The following SOX6 variants were observed in gnomAD, a reference collection of about 807,000 sequenced individuals.
SOX6 encodes transcription factor SOX-6.
SOX6 carries 11 observed loss-of-function variants against 97.8 expected under a neutral mutation model. The ratio of observed to expected loss-of-function variants is 0.11; its 90% confidence interval spans 0.07 to 0.19. The LOEUF is 0.19. SOX6 is among the 10% of genes least tolerant of loss of function. The probability of loss-of-function intolerance (pLI) is 1.00; values close to 1 mark genes in which losing one functional copy is unlikely to be tolerated. For missense variants in SOX6, 810 were observed against 1,039.5 expected (o/e 0.78, Z 3.04); for synonymous variants, 360 against 371.4 (o/e 0.97, Z 0.35).
chr11:16,341,497 T>G (rs1856633969), intron 1 of SOX6, among the ~76,000 whole-genome samples: 1 of 152,074 alleles, frequency 6.6e-6, no homozygotes, highest in African/African-American at 2.4e-5. Flanking sequence ...CATTAATGAT[T>G]TTTTTACAGA....
intron 4 of SOX6, among the ~76,000 whole-genome samples, chr11:16,494,388 T>A (rs1326276984): frequency 6.6e-6 from 1 of 151,766 alleles, no homozygotes; most frequent in African/African-American, 2.4e-5. Flanking sequence ...AATAAATAAA[T>A]AAAAATAAAA....
chr11:16,133,475 A>G (rs564033189), intron 6 of SOX6, among the ~76,000 whole-genome samples: 1 of 152,332 alleles, frequency 6.6e-6, no homozygotes, highest in East Asian at 1.9e-4. Context: ...AAGAGCACTG[A>G]TTAGAGAAGA....
At chr11:16,609,671 C>A (rs1022325573) in intron 4 of SOX6, among the ~76,000 whole-genome samples, 1 of 152,142 alleles carries the variant, frequency 6.6e-6, no homozygotes, top group Non-Finnish European at 1.5e-5. Flanking sequence ...CATATACTGC[C>A]TTTTTAAAAT....
At chr11:16,065,455 C>T (rs1186907564) in intron 9 of SOX6, among the ~76,000 whole-genome samples, 9 of 151,990 alleles carry the variant, frequency 5.9e-5, no homozygotes, top group African/African-American at 2.2e-4. Flanking sequence ...TCTAGAAATT[C>T]CATGCAATCC....
chr11:16,439,543 A>G (rs1174536416), intron 1 of SOX6, among the ~76,000 whole-genome samples: 1 of 152,218 alleles, frequency 6.6e-6, no homozygotes, highest in African/African-American at 2.4e-5. Context: ...AATACTATAT[A>G]GACCTTCCAA....
At chr11:16,313,447 G>A (rs12417996) in intron 3 of SOX6, 18,327 of 152,162 alleles carry the variant, frequency 0.12, 1,520 homozygotes, top group Middle Eastern at 0.19. Flanking sequence ...TGAAGTAGAT[G>A]TGAGGGAGAG....
intron 1 of SOX6, among the ~76,000 whole-genome samples, chr11:16,345,638 T>G (rs907691778): frequency 3.9e-5 from 6 of 152,098 alleles, no homozygotes; most frequent in African/African-American, 1.4e-4. Flanking sequence ...TCAAAATTAG[T>G]TGGCCCAAGA....
intron 10 of SOX6, among the ~76,000 whole-genome samples, chr11:16,052,250 C>T (rs1361735342): frequency 2.0e-5 from 3 of 152,158 alleles, no homozygotes; most frequent in African/African-American, 7.2e-5. Context: ...CATGGCAGAA[C>T]TCTTGGTCCT....
intron 4 of SOX6, among the ~76,000 whole-genome samples, chr11:16,578,238 A>T (rs541535416): frequency 6.6e-6 from 1 of 152,268 alleles, no homozygotes; most frequent in African/African-American, 2.4e-5. Context: ...GTTTTTAAGA[A>T]GTGATTTACT....
At chr11:16,461,035 G>A (rs958580858) in intron 1 of SOX6, among the ~76,000 whole-genome samples, 1 of 151,814 alleles carries the variant, frequency 6.6e-6, no homozygotes, top group African/African-American at 2.4e-5. Flanking sequence ...TCTTCCGTGG[G>A]AAGAAAAAAA....
chr11:16,144,834 G>A (rs1013767794), intron 6 of SOX6, among the ~76,000 whole-genome samples: 1 of 152,034 alleles, frequency 6.6e-6, no homozygotes, highest in Admixed American at 6.6e-5. Flanking sequence ...CCAATAACAG[G>A]CTCTGAAATT....
chr11:16,582,020 G>A (rs1042756342), intron 4 of SOX6, among the ~76,000 whole-genome samples: 3 of 150,738 alleles, frequency 2.0e-5, no homozygotes, highest in African/African-American at 7.3e-5. Flanking sequence ...CAACATGGAT[G>A]CAGCTGGAGG....
chr11:16,180,020 G>A (rs1487324523), intron 6 of SOX6, among the ~76,000 whole-genome samples: 1 of 151,558 alleles, frequency 6.6e-6, no homozygotes, highest in Non-Finnish European at 1.5e-5. Context: ...TCCTATTGAT[G>A]TGCTATAGAA....
chr11:16,620,688 A>G (rs1848534117), intron 3 of SOX6, among the ~76,000 whole-genome samples: 2 of 152,216 alleles, frequency 1.3e-5, no homozygotes, highest in South Asian at 2.1e-4. Context: ...TAATTATTTT[A>G]CCTTGTAGTC....
chr11:16,514,993 G>A (rs1860947104), intron 4 of SOX6, among the ~76,000 whole-genome samples: 1 of 151,888 alleles, frequency 6.6e-6, no homozygotes, highest in South Asian at 2.1e-4. Context: ...TGTGAACAGT[G>A]CCACAATAAA....
At chr11:16,548,621 CA>C (rs1377686857) in intron 4 of SOX6, among the ~76,000 whole-genome samples, 1 of 152,000 alleles carries the variant, frequency 6.6e-6, no homozygotes, top group Non-Finnish European at 1.5e-5. Flanking sequence ...TGAACTGTAT[CA>C]AAATTAAAAA....
intron 4 of SOX6, among the ~76,000 whole-genome samples, chr11:16,210,322 ACT>A (rs1431622133): frequency 2.6e-5 from 4 of 152,228 alleles, no homozygotes; most frequent in African/African-American, 7.2e-5. Context: ...GGAACGAGGT[ACT>A]GATACATGCT....
At chr11:15,984,636 A>G (rs1010874949) in intron 15 of SOX6, among the ~76,000 whole-genome samples, 2 of 152,222 alleles carry the variant, frequency 1.3e-5, no homozygotes, top group Non-Finnish European at 2.9e-5. Flanking sequence ...CATTACCTTT[A>G]AAAATGCAAA....
intron 1 of SOX6, among the ~76,000 whole-genome samples, chr11:16,416,181 T>C (rs1858923057): frequency 6.6e-6 from 1 of 152,188 alleles, no homozygotes; most frequent in Non-Finnish European, 1.5e-5. Flanking sequence ...TAGACCCACA[T>C]GATTCACAAT....
Sources: gnomAD v4.1 joint callset for allele counts (sites outside exome capture counted in the v4.1 genomes callset) on GRCh38, gnomAD v4.1.1 for gene constraint, MANE v1.5 for transcripts, NCBI Gene and HGNC (gene_info 2026-07-23, HGNC 2026-07-21) for gene names.